MYO9A: variants seen among roughly 807,000 people sequenced by gnomAD.
The protein encoded by MYO9A is unconventional myosin-IXa.
In MYO9A, 103 loss-of-function variants were observed where a neutral mutation model predicts 293.3. The observed-to-expected ratio is 0.35, with a 90% CI of 0.30 to 0.41. The LOEUF (loss-of-function observed/expected upper bound fraction) is 0.41, where lower values mean the gene tolerates loss of function less well. MYO9A is among the 10% of genes least tolerant of loss of function. MYO9A has a pLI of 1.00. For synonymous variants in MYO9A, 1,001 were observed against 1,035.7 expected (o/e 0.97, Z 0.64); for missense variants, 2,685 against 3,033.0 (o/e 0.89, Z 2.69).
At chr15:71,959,640 G>A (rs1379898536) in intron 14 of MYO9A, 1 of 319,320 alleles carries the variant, frequency 3.1e-6, no homozygotes, top group East Asian at 5.4e-5. Context: ...TAAGAGTAAA[G>A]GAAAAGAAAA....
chr15:72,103,361 A>AAGCAGCAGCAGAAGCAGAAGC (rs1567044270), intron 1 of MYO9A, among the ~76,000 whole-genome samples: 7 of 149,802 alleles, frequency 4.7e-5, no homozygotes, highest in Non-Finnish European at 1.0e-4. Context: ...GCAGAGACAG[A>AAGCAGCAGCAGAAGCAGAAGC]AGCAGCAGCA....
At chr15:71,879,858 T>C in intron 29 of MYO9A, 21 bp from the exon 30 acceptor site, 1 of 1,468,544 alleles carries the variant, frequency 6.8e-7, no homozygotes, top group Non-Finnish European at 9.5e-7. Context: ...CAAAACGAGT[T>C]TTAGTACACA....
intron 6 of MYO9A, among the ~76,000 whole-genome samples, chr15:72,015,975 A>G (rs1381431499): frequency 6.6e-6 from 1 of 152,136 alleles, no homozygotes; most frequent in Non-Finnish European, 1.5e-5. Flanking sequence ...GGTGTGAGCC[A>G]CTGCGCCCAG....
chr15:71,991,969 GGT>G (rs1181230683), intron 10 of MYO9A, among the ~76,000 whole-genome samples: 1 of 152,108 alleles, frequency 6.6e-6, no homozygotes, highest in Non-Finnish European at 1.5e-5. Context: ...TGGCCGGTCT[GGT>G]ATCAAACTCC....
At chr15:71,985,834 GACA>G (rs2076394988) in intron 11 of MYO9A, among the ~76,000 whole-genome samples, 1 of 152,236 alleles carries the variant, frequency 6.6e-6, no homozygotes, top group East Asian at 1.9e-4. Flanking sequence ...TTTCTAGTCT[GACA>G]ACAACAAGTA....
At chr15:71,840,631 CT>C (rs1354753102) in intron 39 of MYO9A, among the ~76,000 whole-genome samples, 1 of 151,838 alleles carries the variant, frequency 6.6e-6, no homozygotes, top group East Asian at 1.9e-4. Context: ...TTAAGGCTTT[CT>C]TTTTTTGTTT....
chr15:71,957,316 C>G (rs924120381), intron 14 of MYO9A, among the ~76,000 whole-genome samples: 3 of 151,990 alleles, frequency 2.0e-5, no homozygotes, highest in Non-Finnish European at 4.4e-5. Flanking sequence ...GATTAAATTC[C>G]AGGGTTCTGA....
chr15:72,027,793 A>G lies in MYO9A; in HGVS notation c.936T>C (p.Gly312=), dbSNP rs1351059013. The G allele has an allele frequency of 6.3e-7, 1 of 1,598,384 alleles. No individual in the cohort carries two copies. Among genetic ancestry groups the G allele is most frequent in the Non-Finnish European group, 8.5e-7 (1 of 1,172,250 alleles). ...VNYQETGTVL[G]AYVEKYLLEK... is the part of the protein sequence containing the mutation. Reference sequence around the variant, plus strand: ...CCAGTAGATATTTTTCAACATAGGCACTACAAGAAAAATTAAATTGGTTGA... The same window carrying G: ...CCAGTAGATATTTTTCAACATAGGCGCTACAAGAAAAATTAAATTGGTTGA... Residue 312 remains glycine (G), a splice_region_variant and synonymous_variant, in exon 4 of 42, where the codon GGT becomes GGC. Transcript: ENST00000356056.
rs1258247827 is a variant in MYO9A at position 71,822,682 on chromosome 15, T to C, written c.*3898A>G. On this transcript the variant is annotated 3_prime_UTR_variant, in exon 42 of 42. Coordinates refer to ENST00000356056, the MANE Select transcript of MYO9A (RefSeq NM_006901.4). The stretch of plus-strand genomic sequence containing the variant: ...GAATCTGTAGTCCACACCTTTCCCA[T>C]AGTAAATACAAATACTTGGTTCAAA... The C allele has an allele frequency of 1.3e-5, 2 of 152,224 alleles. No individual in the cohort carries two copies. The highest frequency in any genetic ancestry group is 2.9e-5 in the Non-Finnish European group (2 of 68,042). The allele number at this position is 152,224 out of a possible 1,614,324, so 9.4% of individuals were successfully genotyped here. A position where few individuals can be genotyped will look rare whatever the true frequency, so the allele number is the denominator to read the frequency against.
intron 11 of MYO9A, among the ~76,000 whole-genome samples, chr15:71,985,965 A>G (rs1443341484): frequency 2.0e-5 from 3 of 152,182 alleles, no homozygotes; most frequent in Non-Finnish European, 1.5e-5. Flanking sequence ...TGTTCAATTT[A>G]CTGATGAATC....
chr15:72,011,598 A>G (rs1333726395), intron 6 of MYO9A, among the ~76,000 whole-genome samples: 1 of 97,576 alleles, frequency 1.0e-5, no homozygotes, highest in Admixed American at 1.1e-4. Context: ...CCATCTCAAG[A>G]AAAAAAAAAT....
intron 1 of MYO9A, among the ~76,000 whole-genome samples, chr15:72,068,393 A>C (rs964545163): frequency 6.6e-6 from 1 of 152,030 alleles, no homozygotes; most frequent in Non-Finnish European, 1.5e-5. Context: ...TATTATACCC[A>C]TTTCTAGATT....
Position 71,899,911 on chromosome 15 carries a change from T to C in MYO9A, c.3246A>G (p.Gln1082=), listed in dbSNP as rs774797400. ...FVMASAAALL[Q]ASWRAHLERQ... is the part of the protein sequence containing the mutation. ...TCTCTAAGTGAGCACGCCAGGAAGC[T>C]TGGAGAAGAGCAGCTGCACTAGCCA... Residue 1082 remains glutamine (Q), a synonymous_variant, in exon 24 of 42, where the codon CAA becomes CAG. Transcript: ENST00000356056. 71 of 1,613,956 alleles carry C rather than the reference T, an allele frequency of 4.4e-5. No homozygotes were observed. Among genetic ancestry groups the C allele is most frequent in the Non-Finnish European group, 5.6e-5 (66 of 1,180,036 alleles).
chr15:71,847,780 C>T (rs140459709), intron 39 of MYO9A, among the ~76,000 whole-genome samples: 15 of 152,142 alleles, frequency 9.9e-5, no homozygotes, highest in African/African-American at 3.4e-4. Context: ...GATAGTATCC[C>T]CTATGATGAG....
intron 26 of MYO9A, chr15:71,889,898 C>A (rs1596117202): frequency 6.6e-6 from 1 of 152,258 alleles, no homozygotes; most frequent in African/African-American, 2.4e-5. Context: ...ATAAAATACA[C>A]ATATAAATAC....
chr15:71,980,378 C>T (rs1215608063), intron 11 of MYO9A, among the ~76,000 whole-genome samples: 1 of 152,202 alleles, frequency 6.6e-6, no homozygotes, highest in Non-Finnish European at 1.5e-5. Context: ...CTCTCCAATA[C>T]TCGTATTGTC....
At chr15:72,090,899 C>A (rs367963032) in intron 1 of MYO9A, among the ~76,000 whole-genome samples, 221 of 151,954 alleles carry the variant, frequency 1.5e-3, no homozygotes, top group African/African-American at 4.7e-3. Context: ...CAGTGGCTCA[C>A]ACCTGTAATC....
intron 12 of MYO9A, among the ~76,000 whole-genome samples, chr15:71,970,096 TA>T (rs1160306860): frequency 3.9e-5 from 6 of 152,346 alleles, no homozygotes; most frequent in African/African-American, 1.4e-4. Flanking sequence ...CTTCGGTTGT[TA>T]AAATGTAGAT....
Position 71,999,973 on chromosome 15 carries a change from G to C in MYO9A, c.1381-33C>G, listed in dbSNP as rs142582129. ...ACAGAAAAGTAAACTCAATATGTAAGATTTATGACAATAGGTTGAATTATC... is the reference window on the plus strand; with the variant it reads ...ACAGAAAAGTAAACTCAATATGTAACATTTATGACAATAGGTTGAATTATC... On this transcript the variant is annotated intron_variant, in intron 8 of 41. Transcript: ENST00000356056. 4,010 of 1,531,048 alleles carry C rather than the reference G, an allele frequency of 2.6e-3. 9 individuals are homozygous for C. The highest frequency in any genetic ancestry group is 3.4e-3 in the Non-Finnish European group (3,783 of 1,119,460). The allele number at this position is 1,531,048 out of a possible 1,614,324, so 94.8% of individuals were successfully genotyped here.
Sources: allele counts gnomAD v4.1 joint callset (sites outside exome capture counted in the v4.1 genomes callset), GRCh38; gene constraint gnomAD v4.1.1; transcripts MANE v1.5; gene names NCBI Gene and HGNC (gene_info 2026-07-23, HGNC 2026-07-21).